LRMDA: variants seen among roughly 807,000 people sequenced by gnomAD.
LRMDA encodes leucine-rich melanocyte differentiation-associated protein.
A neutral mutation model predicts 29.8 loss-of-function variants in LRMDA; 18 were observed. The observed-to-expected ratio is 0.60, with a 90% CI of 0.42 to 0.90. The LOEUF is 0.90. LRMDA is among the 40% of genes least tolerant of loss of function. LRMDA has a pLI of 0.00. For missense variants in LRMDA, 273 were observed against 273.9 expected, an observed-to-expected ratio of 1.00 and a Z score of 0.02; for synonymous variants, 125 against 109.4, an observed-to-expected ratio of 1.14 and a Z score of -0.89.
chr10:75,514,302 CCTTCTT>C (rs1289387145), intron 2 of LRMDA, among the ~76,000 whole-genome samples: 3 of 150,808 alleles, frequency 2.0e-5, no homozygotes, highest in African/African-American at 7.3e-5. Flanking sequence ...CCTCCTTTTT[CCTTCTT>C]CTTCTTCTTT....
intron 2 of LRMDA, among the ~76,000 whole-genome samples, chr10:75,490,457 GT>G (rs1844973118): frequency 6.6e-6 from 1 of 152,044 alleles, no homozygotes; most frequent in Non-Finnish European, 1.5e-5. Flanking sequence ...CACTCAGCGT[GT>G]TTTCACCCTT....
At chr10:75,997,144 T>TG (rs1847482423) in intron 2 of LRMDA, among the ~76,000 whole-genome samples, 1 of 152,172 alleles carries the variant, frequency 6.6e-6, no homozygotes, top group African/African-American at 2.4e-5. Flanking sequence ...TGCCTGTAAT[T>TG]CCCCACTTCC....
intron 2 of LRMDA, among the ~76,000 whole-genome samples, chr10:76,002,219 T>C (rs1355621714): frequency 1.3e-5 from 2 of 152,314 alleles, no homozygotes; most frequent in East Asian, 3.9e-4. Flanking sequence ...ACCAGTCCCA[T>C]GATGAGGGTC....
intron 5 of LRMDA, among the ~76,000 whole-genome samples, chr10:76,253,828 G>A (rs2132300030): frequency 6.6e-6 from 1 of 152,112 alleles, no homozygotes; most frequent in African/African-American, 2.4e-5. Context: ...ATTTGTATAG[G>A]TCTAGACACC....
intron 5 of LRMDA, among the ~76,000 whole-genome samples, chr10:76,218,720 C>G (rs1851773211): frequency 6.6e-6 from 1 of 152,138 alleles, no homozygotes; most frequent in Non-Finnish European, 1.5e-5. Context: ...GTTGGTGGAT[C>G]AAATCACCAT....
chr10:76,204,167 A>C (rs570060144), intron 5 of LRMDA, among the ~76,000 whole-genome samples: 1 of 132,040 alleles, frequency 7.6e-6, no homozygotes, highest in South Asian at 2.5e-4. Context: ...CCATCCACCC[A>C]TCTCTCCATG....
intron 5 of LRMDA, among the ~76,000 whole-genome samples, chr10:76,155,928 TA>T (rs1850529173): frequency 6.6e-6 from 1 of 152,186 alleles, no homozygotes; most frequent in African/African-American, 2.4e-5. Flanking sequence ...CTCATCCAAT[TA>T]TAGCAACTCA....
Position 75,995,744 on chromosome 10 carries a change from G to A in LRMDA, c.132-40264G>A, listed in dbSNP as rs564626545. Among the ~76,000 whole-genome samples the A allele has an allele frequency of 5.3e-5, 8 of 152,136 alleles. No homozygotes were observed. In the East Asian group the frequency reaches 7.7e-4, roughly 15 times the overall value. On this transcript the variant is annotated intron_variant, in intron 2 of 6. Coordinates refer to ENST00000611255, the MANE Select transcript of LRMDA (RefSeq NM_001305581.2). ...TCAACCCACTGCCAGTTTTTATCCC[G>A]GATCTACCTTCCTGCCTGCAGTAAT...
At chr10:76,351,237 G>T (rs1382322451) in intron 6 of LRMDA, among the ~76,000 whole-genome samples, 1 of 152,142 alleles carries the variant, frequency 6.6e-6, no homozygotes, top group Non-Finnish European at 1.5e-5. Flanking sequence ...ATACATGGCT[G>T]CAGAGGATGC....
intron 2 of LRMDA, among the ~76,000 whole-genome samples, chr10:75,673,696 A>AT (rs1343022193): frequency 2.0e-5 from 3 of 152,210 alleles, no homozygotes; most frequent in East Asian, 3.9e-4. Context: ...GGTGTAGAAT[A>AT]TTTTTTCTCT....
chr10:76,426,620 G>T (rs149214983), intron 6 of LRMDA, among the ~76,000 whole-genome samples: 2 of 152,172 alleles, frequency 1.3e-5, no homozygotes, highest in Non-Finnish European at 2.9e-5. Flanking sequence ...GATCCCATTT[G>T]TCAATTTTGG....
chr10:76,540,453 CTG>C (rs1843341667), intron 6 of LRMDA, among the ~76,000 whole-genome samples: 1 of 152,208 alleles, frequency 6.6e-6, no homozygotes, highest in South Asian at 2.1e-4. Flanking sequence ...ACATTTACAT[CTG>C]TGTATCAGCC....
At chr10:76,134,874 A>C (rs982006286) in intron 5 of LRMDA, among the ~76,000 whole-genome samples, 2 of 152,258 alleles carry the variant, frequency 1.3e-5, no homozygotes, top group Admixed American at 6.5e-5. Context: ...TATAAAAGCA[A>C]GTAATACAAC....
intron 2 of LRMDA, among the ~76,000 whole-genome samples, chr10:75,728,967 A>AT (rs1842663609): frequency 6.6e-6 from 1 of 152,114 alleles, no homozygotes; most frequent in African/African-American, 2.4e-5. Context: ...GCCTCTGCAC[A>AT]TATCACTCTC....
intron 6 of LRMDA, among the ~76,000 whole-genome samples, chr10:76,443,360 T>C (rs1842323082): frequency 6.6e-6 from 1 of 152,216 alleles, no homozygotes; most frequent in African/African-American, 2.4e-5. Flanking sequence ...GGCTCTTGAC[T>C]CTGGCATCAC....
intron 2 of LRMDA, among the ~76,000 whole-genome samples, chr10:75,690,809 T>TA (rs1390551837): frequency 6.7e-6 from 1 of 150,056 alleles, no homozygotes; most frequent in Admixed American, 6.6e-5. Flanking sequence ...CTCTAAAAAA[T>TA]AAAAAAATAA....
At chr10:76,353,114 A>G (rs1841197862) in intron 6 of LRMDA, among the ~76,000 whole-genome samples, 1 of 152,146 alleles carries the variant, frequency 6.6e-6, no homozygotes, top group South Asian at 2.1e-4. Context: ...AGGTCTTATC[A>G]GAGTCTCAGT....
chr10:75,682,310 C>T (rs2132153457), intron 2 of LRMDA, among the ~76,000 whole-genome samples: 1 of 152,194 alleles, frequency 6.6e-6, no homozygotes, highest in South Asian at 2.1e-4. Flanking sequence ...AATGAATGAA[C>T]AATGAATGGC....
At chr10:76,175,232 C>T (rs1268385955) in intron 5 of LRMDA, among the ~76,000 whole-genome samples, 1 of 152,186 alleles carries the variant, frequency 6.6e-6, no homozygotes, top group Non-Finnish European at 1.5e-5. Context: ...TTTGTTGAGA[C>T]CCTGTAGCAT....
Sources: gnomAD v4.1 joint callset for allele counts (sites outside exome capture counted in the v4.1 genomes callset) on GRCh38, gnomAD v4.1.1 for gene constraint, MANE v1.5 for transcripts, NCBI Gene and HGNC (gene_info 2026-07-23, HGNC 2026-07-21) for gene names.